Variants in ANKS1B observed in about 807,000 individuals in gnomAD.
The protein encoded by ANKS1B is ankyrin repeat and sterile alpha motif domain-containing protein 1B.
In ANKS1B, 36 loss-of-function variants were observed where a neutral mutation model predicts 148.3. The ratio of observed to expected loss-of-function variants is 0.24; its 90% CI spans 0.19 to 0.32. The LOEUF (loss-of-function observed/expected upper bound fraction) is 0.32. ANKS1B is among the 10% of genes least tolerant of loss of function. The pLI, the probability that ANKS1B is intolerant of heterozygous loss-of-function variation, is 1.00. For synonymous variants in ANKS1B, 542 were observed against 560.8 expected, an observed-to-expected ratio of 0.97 and a Z score of 0.47; for missense variants, 1,157 against 1,542.6, an observed-to-expected ratio of 0.75 and a Z score of 4.19.
chr12:98,893,200 C>A (rs1490594795), intron 17 of ANKS1B, among the ~76,000 whole-genome samples: 1 of 152,220 alleles, frequency 6.6e-6, no homozygotes, highest in Non-Finnish European at 1.5e-5. Flanking sequence ...AGAATCACTG[C>A]TAACACACCC....
At chr12:99,551,986 G>A (rs1004140814) in intron 9 of ANKS1B, among the ~76,000 whole-genome samples, 2 of 152,050 alleles carry the variant, frequency 1.3e-5, no homozygotes, top group Admixed American at 6.6e-5. Context: ...AATCATATAT[G>A]TACAGTTCCT....
intron 9 of ANKS1B, among the ~76,000 whole-genome samples, chr12:99,554,091 G>C (rs190051727): frequency 1.2e-3 from 176 of 152,238 alleles, no homozygotes; most frequent in African/African-American, 4.2e-3. Flanking sequence ...GAGAAAGAGA[G>C]AGACCAAATC....
chr12:98,770,504 C>T lies in ANKS1B; in HGVS notation c.3579+2538G>A, dbSNP rs137926323. Among the ~76,000 whole-genome samples the T allele has an allele frequency of 2.1e-3, 313 of 152,284 alleles. 2 individuals are homozygous for T. Among genetic ancestry groups the T allele is most frequent in the African/African-American group, 7.1e-3 (296 of 41,568 alleles). ...AACACTTTAATCCCGTGCAAACAAA[C>T]GCTTCCTGAGATATTTAGAGCAGTC... On this transcript the variant is annotated intron_variant, in intron 25 of 26. Transcript: ENST00000683438.
chr12:98,864,947 T>C (rs2099617054), intron 17 of ANKS1B, among the ~76,000 whole-genome samples: 1 of 152,184 alleles, frequency 6.6e-6, no homozygotes. Context: ...GAAGATACTG[T>C]TTTCATCTTC....
chr12:99,089,677 C>T (rs138684214), intron 15 of ANKS1B, among the ~76,000 whole-genome samples: 49 of 152,252 alleles, frequency 3.2e-4, no homozygotes, highest in African/African-American at 1.1e-3. Flanking sequence ...AGTTCATGAA[C>T]ATTAAGTTTA....
At chr12:98,859,397 T>G (rs905312674) in intron 17 of ANKS1B, among the ~76,000 whole-genome samples, 6 of 152,224 alleles carry the variant, frequency 3.9e-5, no homozygotes, top group Admixed American at 3.3e-4. Context: ...AATCAACCAT[T>G]TAATGATGCC....
At chr12:99,321,188 G>A (rs1364362510) in intron 12 of ANKS1B, among the ~76,000 whole-genome samples, 8 of 152,266 alleles carry the variant, frequency 5.3e-5, no homozygotes, top group East Asian at 3.9e-4. Flanking sequence ...TCCTTTCTCC[G>A]ATTTCAAACT....
At chr12:99,787,368 T>C (rs960302233) in intron 4 of ANKS1B, among the ~76,000 whole-genome samples, 2 of 152,116 alleles carry the variant, frequency 1.3e-5, no homozygotes, top group African/African-American at 4.8e-5. Flanking sequence ...GTGACTTTGC[T>C]CCTCCTTCAC....
intron 10 of ANKS1B, among the ~76,000 whole-genome samples, chr12:99,480,893 A>C (rs998147482): frequency 6.6e-6 from 1 of 151,754 alleles, no homozygotes; most frequent in African/African-American, 2.4e-5. Context: ...AACCTAATCC[A>C]TTTTATAGCT....
chr12:99,759,977 C>T (rs1370349100), intron 8 of ANKS1B, among the ~76,000 whole-genome samples: 4 of 151,378 alleles, frequency 2.6e-5, no homozygotes, highest in African/African-American at 9.7e-5. Flanking sequence ...CAAAAACTGG[C>T]CAATAATATA....
chr12:99,081,146 T>C (rs975053181), intron 16 of ANKS1B, among the ~76,000 whole-genome samples: 13 of 152,198 alleles, frequency 8.5e-5, no homozygotes, highest in African/African-American at 2.9e-4. Flanking sequence ...TATTAAAGAA[T>C]AGCTATTCTT....
Position 98,807,832 on chromosome 12 carries a change from T to C in ANKS1B, c.3141+12A>G, listed in dbSNP as rs1245722876. On this transcript the variant is annotated intron_variant, in intron 20 of 26. Coordinates refer to ENST00000683438, the MANE Select transcript of ANKS1B (RefSeq NM_001352186.2). ...AAGTTCAGGAGAAGAAAAGAACCAT[T>C]TGTAACCTTACATTATGAACCTGAT... The C allele has an allele frequency of 3.1e-6, 5 of 1,611,446 alleles. No homozygotes were observed. Among genetic ancestry groups the C allele is most frequent in the East Asian group, 2.2e-5 (1 of 44,804 alleles).
intron 16 of ANKS1B, among the ~76,000 whole-genome samples, chr12:99,057,837 C>T (rs971471958): frequency 6.6e-6 from 1 of 152,172 alleles, no homozygotes; most frequent in Non-Finnish European, 1.5e-5. Flanking sequence ...TTGCATAACT[C>T]CTGGTTCTAG....
At chr12:99,334,653 A>AT (rs1566914491) in intron 12 of ANKS1B, among the ~76,000 whole-genome samples, 1 of 151,968 alleles carries the variant, frequency 6.6e-6, no homozygotes, top group South Asian at 2.1e-4. Flanking sequence ...CTAGAGAGTG[A>AT]TTTTTTTCCT....
chr12:98,894,922 GC>G, intron 17 of ANKS1B: 2 of 916,786 alleles, frequency 2.2e-6, no homozygotes, highest in Non-Finnish European at 2.6e-6. Flanking sequence ...CGCGGCGCGT[GC>G]CCCCCACCCC....
rs190875464 is a variant in ANKS1B, at chr12:99,293,839, A to T, written c.1757-46975T>A. On this transcript the variant is annotated intron_variant, in intron 12 of 26. Coordinates refer to ENST00000683438, the MANE Select transcript of ANKS1B (RefSeq NM_001352186.2). Reference sequence around the variant, plus strand: ...AACGACTCTATAGGATAGAAACCTAATACTCTGATTTAAAAATGGGCAAAA... The same window carrying T: ...AACGACTCTATAGGATAGAAACCTATTACTCTGATTTAAAAATGGGCAAAA... 7.7e-4 allele frequency among the ~76,000 whole-genome samples: 118 copies of T among 152,346 alleles called. 4 individuals are homozygous for T. In the South Asian group the frequency reaches 0.021, roughly 27 times the overall value.
intron 1 of ANKS1B, among the ~76,000 whole-genome samples, chr12:99,929,492 T>G: frequency 6.6e-6 from 1 of 152,200 alleles, no homozygotes; most frequent in African/African-American, 2.4e-5. Context: ...GCAGAAGCTT[T>G]TTAGTTTAAT....
chr12:99,705,749 A>G (rs552067218), intron 8 of ANKS1B, among the ~76,000 whole-genome samples: 1 of 152,130 alleles, frequency 6.6e-6, no homozygotes, highest in Admixed American at 6.6e-5. Context: ...AAGAATTGCA[A>G]GGTTGATACC....
intron 10 of ANKS1B, among the ~76,000 whole-genome samples, chr12:99,463,442 G>C (rs532328563): frequency 2.6e-5 from 4 of 152,284 alleles, no homozygotes; most frequent in Non-Finnish European, 5.9e-5. Flanking sequence ...GTGGGTGCAG[G>C]ACAGTGGGTG....
Sources: allele counts gnomAD v4.1 joint callset (sites outside exome capture counted in the v4.1 genomes callset), GRCh38; gene constraint gnomAD v4.1.1; transcripts MANE v1.5; gene names NCBI Gene and HGNC (gene_info 2026-07-23, HGNC 2026-07-21).